The following CBFA2T2 variants were observed in gnomAD, a reference collection of about 807,000 sequenced individuals.
The protein encoded by CBFA2T2 is CBFA2/RUNX1 partner transcriptional co-repressor 2.
A neutral mutation model predicts 62.2 loss-of-function variants in CBFA2T2; 11 were observed. The observed-to-expected ratio is 0.18, with a 90% confidence interval of 0.11 to 0.29. CBFA2T2 has a LOEUF of 0.29. Among genes scored for constraint, CBFA2T2 ranks in the 10% least tolerant of loss-of-function variants. The pLI is 1.00. For missense variants in CBFA2T2, 592 were observed against 774.1 expected (o/e 0.76, Z 2.79); for synonymous variants, 295 against 287.5 (o/e 1.03, Z -0.27).
At chr20:33,586,285 T>C (rs774522560) in intron 1 of CBFA2T2, among the ~76,000 whole-genome samples, 12 of 152,286 alleles carry the variant, frequency 7.9e-5, no homozygotes, top group Non-Finnish European at 1.3e-4. Context: ...TTCAAGTGAT[T>C]CTTGTGCCTC....
chr20:33,527,866 T>C (rs1483812592), intron 1 of CBFA2T2, among the ~76,000 whole-genome samples: 1 of 152,068 alleles, frequency 6.6e-6, no homozygotes, highest in Admixed American at 6.6e-5. Context: ...ATTTTATGTT[T>C]GTTTTATTTT....
At chr20:33,521,627 T>A (rs911950563) in intron 1 of CBFA2T2, among the ~76,000 whole-genome samples, 15 of 152,180 alleles carry the variant, frequency 9.9e-5, no homozygotes, top group African/African-American at 3.4e-4. Context: ...CTGTACCATC[T>A]GTGGGAGCAG....
intron 1 of CBFA2T2, among the ~76,000 whole-genome samples, chr20:33,491,707 C>CTT (rs772598025): frequency 1.4e-5 from 2 of 142,904 alleles, no homozygotes; most frequent in African/African-American, 2.6e-5. Flanking sequence ...AAATGAAAGG[C>CTT]TTTTTTTTTT....
chr20:33,591,923 C>T (rs747245696), intron 1 of CBFA2T2, among the ~76,000 whole-genome samples: 8 of 152,038 alleles, frequency 5.3e-5, no homozygotes, highest in Non-Finnish European at 8.8e-5. Context: ...TTTCCAAAAA[C>T]GCTCCAGAAT....
At chr20:33,617,840 C>T (rs1047205039) in intron 3 of CBFA2T2, among the ~76,000 whole-genome samples, 30 of 152,100 alleles carry the variant, frequency 2.0e-4, no homozygotes, top group African/African-American at 7.0e-4. Flanking sequence ...GGACATACCC[C>T]TTTTCCCTGA....
At chr20:33,577,878 G>T (rs977746882) in intron 1 of CBFA2T2, among the ~76,000 whole-genome samples, 1 of 152,128 alleles carries the variant, frequency 6.6e-6, no homozygotes, top group Non-Finnish European at 1.5e-5. Flanking sequence ...CATTCTTTGC[G>T]TGTAATAAAT....
chr20:33,541,699 A>G (rs1039836567), intron 1 of CBFA2T2, among the ~76,000 whole-genome samples: 14 of 152,166 alleles, frequency 9.2e-5, no homozygotes, highest in African/African-American at 3.4e-4. Flanking sequence ...CTGAACTCAA[A>G]ATTCTCCTAA....
chr20:33,534,751 CT>C (rs11167206), intron 1 of CBFA2T2, among the ~76,000 whole-genome samples: 161 of 92,946 alleles, frequency 1.7e-3, no homozygotes, highest in African/African-American at 6.0e-3. Context: ...ATCTTTTTAG[CT>C]TTTTTTTTTT....
chr20:33,515,162 A>G (rs111435833), intron 1 of CBFA2T2, among the ~76,000 whole-genome samples: 1,729 of 151,700 alleles, frequency 0.011, 35 homozygotes, highest in African/African-American at 0.04. Context: ...TAGCCTAGCA[A>G]AAACATGGTG....
chr20:33,498,089 T>C (rs1008347587), intron 1 of CBFA2T2, among the ~76,000 whole-genome samples: 1 of 152,120 alleles, frequency 6.6e-6, no homozygotes, highest in Non-Finnish European at 1.5e-5. Context: ...AACCAGGTTA[T>C]GAGACCAACT....
chr20:33,620,230 A>G (rs993416645), intron 4 of CBFA2T2, among the ~76,000 whole-genome samples: 1 of 152,094 alleles, frequency 6.6e-6, no homozygotes, highest in Non-Finnish European at 1.5e-5. Context: ...GCTTTTGGCC[A>G]GTCACGGTGG....
intron 1 of CBFA2T2, among the ~76,000 whole-genome samples, chr20:33,571,258 G>C (rs941106889): frequency 2.6e-5 from 4 of 152,082 alleles, no homozygotes; most frequent in Admixed American, 6.5e-5. Context: ...AATGTTTAAG[G>C]CTCTTCAACT....
At chr20:33,512,262 A>G (rs2011523970) in intron 1 of CBFA2T2, among the ~76,000 whole-genome samples, 1 of 152,064 alleles carries the variant, frequency 6.6e-6, no homozygotes, top group African/African-American at 2.4e-5. Flanking sequence ...GAGGCAGGAG[A>G]ACCACTTGAA....
rs536765223 is a variant in CBFA2T2, at chr20:33,545,836, G to C, written c.34+55535G>C. On this transcript the variant is annotated intron_variant, in intron 1 of 10. Transcript: ENST00000342704. ...ATTCTGTGGTAGAAAATCAAATATG[G>C]AAGACTTTTGAACAAATATCCAGTG... is the stretch of plus-strand genomic sequence containing the variant. Among the ~76,000 whole-genome samples the C allele has an allele frequency of 3.9e-5, 6 of 152,280 alleles. No homozygotes were observed. In the East Asian group the frequency reaches 1.2e-3, roughly 29 times the overall value.
chr20:33,601,807 A>AG (rs2015145111), intron 1 of CBFA2T2: 1 of 109,250 alleles, frequency 9.2e-6, no homozygotes, highest in Non-Finnish European at 1.7e-5. Context: ...TTATTCTAAT[A>AG]GATTTTTTTT....
rs116168595 is a variant in CBFA2T2, at chr20:33,640,200, T to C, written c.1298-141T>C. On this transcript the variant is annotated intron_variant, in intron 9 of 10. Transcript: ENST00000342704. The stretch of plus-strand genomic sequence containing the variant: ...GCCAGCACCTGCATGGATGGACACA[T>C]GAGTGTGAAGATCATGTGTTCCTCC... 1,304 of 782,084 alleles carry C rather than the reference T, an allele frequency of 1.7e-3. 14 individuals carry two copies. The African/African-American group carries it at 0.018, about 11-fold the overall frequency. 48.4% of individuals were successfully genotyped at this position (782,084 alleles called of 1,614,324 possible).
chr20:33,509,123 T>G (rs1330935864), intron 1 of CBFA2T2, among the ~76,000 whole-genome samples: 7 of 152,156 alleles, frequency 4.6e-5, no homozygotes, highest in Non-Finnish European at 8.8e-5. Flanking sequence ...TCCCAGCACT[T>G]TGGAAGGCTG....
chr20:33,558,827 G>GGGA (rs1555835160), intron 1 of CBFA2T2, among the ~76,000 whole-genome samples: 1 of 151,874 alleles, frequency 6.6e-6, no homozygotes, highest in African/African-American at 2.4e-5. Context: ...ACTGTTTGGG[G>GGGA]GGGCGGCGAT....
intron 1 of CBFA2T2, among the ~76,000 whole-genome samples, chr20:33,501,529 G>T (rs6120279): frequency 2.7e-5 from 4 of 150,862 alleles, no homozygotes; most frequent in African/African-American, 9.8e-5. Flanking sequence ...GATGGTTTTA[G>T]CTCCTGCATT....
Sources: allele counts gnomAD v4.1 joint callset (sites outside exome capture counted in the v4.1 genomes callset), GRCh38; gene constraint gnomAD v4.1.1; transcripts MANE v1.5; gene names NCBI Gene and HGNC (gene_info 2026-07-23, HGNC 2026-07-21).